UGT2B11: variants seen among roughly 807,000 people sequenced by gnomAD.
The protein encoded by UGT2B11 is UDP-glucuronosyltransferase 2B11.
In UGT2B11, 49 loss-of-function variants were observed where a neutral mutation model predicts 51.7. The ratio of observed to expected loss-of-function variants is 0.95; its 90% CI spans 0.75 to 1.20. The LOEUF (loss-of-function observed/expected upper bound fraction) is 1.20. UGT2B11 is among the 50% of genes most tolerant of loss of function. The probability of loss-of-function intolerance (pLI) is 0.00; values close to 1 mark genes in which losing one functional copy is unlikely to be tolerated. For missense variants in UGT2B11, 810 were observed against 622.1 expected (o/e 1.30, Z -3.21); for synonymous variants, 273 against 209.0 (o/e 1.31, Z -2.64).
At chr4:69,205,449 T>C (rs1404375367) in intron 4 of UGT2B11, 31 bp downstream of exon 4, 2 of 1,599,770 alleles carry the variant, frequency 1.3e-6, no homozygotes, top group Non-Finnish European at 1.7e-6. Context: ...CAGTTACTAA[T>C]ATATCCAGTA....
upstream of UGT2B11, among the ~76,000 whole-genome samples, chr4:69,217,870 A>G (rs1722313336): frequency 6.6e-6 from 1 of 152,112 alleles, no homozygotes; most frequent in Non-Finnish European, 1.5e-5. Context: ...GGTATTGGGC[A>G]TTCCTCCAAG....
At chr4:69,203,663 GTATTA>G (rs1232688123) in intron 5 of UGT2B11, among the ~76,000 whole-genome samples, 1 of 151,540 alleles carries the variant, frequency 6.6e-6, no homozygotes, top group Non-Finnish European at 1.5e-5. Context: ...AGGAAATGAA[GTATTA>G]TAACACACAA....
At position 69,214,508 on chromosome 4, in the gene UGT2B11, A is replaced by G. The variant is rs777035076; in HGVS notation, c.215T>C (p.Leu72Pro). Residue 72 changes from leucine (L) to proline (P), a missense_variant, in exon 1 of 6, where the codon CTT (leucine) becomes CCT (proline). Transcript: ENST00000446444. ...AGATGTAGGATAAACTTCAAATTTA[A>G]GAGTGGATGCATCATTGGGATCAAA... is the stretch of plus-strand genomic sequence containing the variant. The part of the protein sequence containing the change: ...ILFDPNDAST[L>P]KFEVYPTSLT... The G allele has an allele frequency of 4.3e-5, 69 of 1,613,032 alleles. No individual in the cohort carries two copies. Among genetic ancestry groups the G allele is most frequent in the Non-Finnish European group, 3.5e-5 (41 of 1,179,456 alleles).
rs751649625 is a variant in UGT2B11, at chr4:69,214,659, T to A, written c.64A>T (p.Ser22Cys). Residue 22 changes from serine (S) to cysteine (C), a missense_variant, in exon 1 of 6, where the codon AGT becomes TGT. Transcript: ENST00000446444. ...GCCCACACCAGCACTTTTCCACAACTCCCAGAGCTAAAGTAACAACTGAGA... is the reference window on the plus strand; with the variant it reads ...GCCCACACCAGCACTTTTCCACAACACCCAGAGCTAAAGTAACAACTGAGA... Reference protein sequence around the residue: ...IHLSCYFSSGSCGKVLVWAAE... With the variant: ...IHLSCYFSSGCCGKVLVWAAE... 1.1e-5 allele frequency: 17 copies of A among 1,612,850 alleles called. No homozygotes were observed. In the African/African-American group the frequency reaches 1.1e-4, roughly 10 times the overall value.
intron 3 of UGT2B11, among the ~76,000 whole-genome samples, chr4:69,206,337 G>C (rs1373099856): frequency 6.6e-6 from 1 of 151,712 alleles, no homozygotes; most frequent in Non-Finnish European, 1.5e-5. Context: ...TAAGGATGGA[G>C]CTGGAGGCCG....
intron 2 of UGT2B11, among the ~76,000 whole-genome samples, chr4:69,209,925 A>G (rs1368079174): frequency 1.3e-5 from 2 of 151,672 alleles, no homozygotes; most frequent in Admixed American, 6.6e-5. Context: ...GTATAAAAGT[A>G]TGAAAAGTTT....
rs1004834981 is a variant in UGT2B11 at position 69,208,593 on chromosome 4, T to A, written c.871-111A>T. On this transcript the variant is annotated intron_variant, in intron 2 of 5. Coordinates refer to ENST00000446444, the MANE Select transcript of UGT2B11 (RefSeq NM_001073.3). ...AAAATCAAGTATTTTGAGGAATTAT[T>A]GGAATTAATAATATTTTTTAACTGA... 1.5e-5 allele frequency: 23 copies of A among 1,518,830 alleles called. No homozygotes were observed. In the African/African-American group the frequency reaches 3.2e-4, roughly 21 times the overall value. The allele number at this position is 1,518,830 out of a possible 1,614,324, so 94.1% of individuals were successfully genotyped here.
intron 2 of UGT2B11, among the ~76,000 whole-genome samples, chr4:69,210,801 T>A (rs4283741): frequency 6.6e-6 from 1 of 151,440 alleles, no homozygotes; most frequent in African/African-American, 2.4e-5. Context: ...GGAATAAAAT[T>A]TCAGTTTTAT....
rs759583128 is a variant in UGT2B11 at position 69,212,663 on chromosome 4, G to T, written c.780C>A (p.Asn260Lys). The T allele has an allele frequency of 6.2e-7, 1 of 1,610,412 alleles. No homozygotes were observed. The highest frequency in any genetic ancestry group is 2.2e-5 in the East Asian group (1 of 44,748). The change falls in exon 2 of 6, where the codon AAC becomes AAA. Residue 260 changes from asparagine to lysine, a missense_variant. Physicochemically the swap from Asn to Lys is moderately conservative, Grantham distance 94. Coordinates refer to ENST00000446444, the MANE Select transcript of UGT2B11 (RefSeq NM_001073.3). ...GATGAGGAAATTGAAAACTCCAGGA[G>T]TTTCGCATAAGCCATATGTCAGCTT... ...MGKADIWLMR[N>K]SWSFQFPHPF...
Position 69,204,473 on chromosome 4 carries a change from T to C in UGT2B11, c.1267A>G (p.Thr423Ala), listed in dbSNP as rs746282175. ...GTCTTCAGTGCATTCAGCAGGTCTG[T>C]ACTCGACATTGTGTTGAAGTCCAAT... is the stretch of plus-strand genomic sequence containing the variant. ...VRLDFNTMSS[T>A]DLLNALKTVI... Residue 423 changes from threonine (T) to alanine (A), a missense_variant, in exon 5 of 6, where the codon ACA becomes GCA. Coordinates refer to ENST00000446444, the MANE Select transcript of UGT2B11 (RefSeq NM_001073.3). 8.1e-6 allele frequency: 13 copies of C among 1,612,174 alleles called. No individual in the cohort carries two copies. Among genetic ancestry groups the C allele is most frequent in the African/African-American group, 4.0e-5 (3 of 74,868 alleles).
chr4:69,218,565 C>T (rs1378221011), upstream of UGT2B11, among the ~76,000 whole-genome samples: 1 of 151,750 alleles, frequency 6.6e-6, no homozygotes, highest in Non-Finnish European at 1.5e-5. Context: ...GGACTAATAA[C>T]CATCAAATTA....
chr4:69,218,049 C>T (rs1374606802), upstream of UGT2B11, among the ~76,000 whole-genome samples: 1 of 152,136 alleles, frequency 6.6e-6, no homozygotes, highest in Non-Finnish European at 1.5e-5. Context: ...AGAATTTTAA[C>T]ATATTAATCT....
chr4:69,208,607 T>A (rs1721947216), intron 2 of UGT2B11, 125 bp from the exon 3 acceptor site: 3 of 1,482,306 alleles, frequency 2.0e-6, no homozygotes, highest in Non-Finnish European at 2.7e-6. Flanking sequence ...ATTAATAATA[T>A]TTTTTAACTG....
rs769833417 is a variant in UGT2B11 at position 69,212,731 on chromosome 4, A to G, written c.722-10T>C. The G allele has an allele frequency of 1.0e-5, 16 of 1,594,494 alleles. No individual in the cohort carries two copies. In the East Asian group the frequency reaches 2.9e-4, roughly 29 times the overall value. On this transcript the variant is annotated splice_polypyrimidine_tract_variant and intron_variant, in intron 1 of 5. Coordinates refer to ENST00000446444, the MANE Select transcript of UGT2B11 (RefSeq NM_001073.3). ...AAGGTAGTGGGTCTTCCTGACAGGA[A>G]TAAAGAAAAGAAAAAGTGGATGATG...
chr4:69,222,755 C>T, the UGT2B11 span, among the ~76,000 whole-genome samples: 1 of 152,168 alleles, frequency 6.6e-6, no homozygotes. Flanking sequence ...CTAAATTTGC[C>T]TTTATCTGTT....
upstream of UGT2B11, chr4:69,215,270 T>G (rs1202207819): frequency 6.6e-6 from 1 of 152,236 alleles, no homozygotes; most frequent in East Asian, 1.9e-4. Flanking sequence ...TTAGTTCTCA[T>G]CTCCCCACCA....
Position 69,214,619 on chromosome 4 carries a change from T to A in UGT2B11, c.104A>T (p.His35Leu). 4 of 1,613,260 alleles carry A rather than the reference T, an allele frequency of 2.5e-6. No individual in the cohort carries two copies. Among genetic ancestry groups the A allele is most frequent in the Non-Finnish European group, 3.4e-6 (4 of 1,179,412 alleles). ...CAGGATTGTCTTCATATTCATCCAA[T>A]GGCTGTATTCTGCGGCCCACACCAG... The part of the protein sequence containing the change: ...KVLVWAAEYS[H>L]WMNMKTILKE... Residue 35 changes from histidine (H) to leucine (L), a missense_variant, in exon 1 of 6, where the codon CAT becomes CTT. Coordinates refer to ENST00000446444, the MANE Select transcript of UGT2B11 (RefSeq NM_001073.3).
At chr4:69,219,753 G>C in the UGT2B11 span, among the ~76,000 whole-genome samples, 2 of 152,202 alleles carry the variant, frequency 1.3e-5, no homozygotes, top group Admixed American at 6.5e-5. Context: ...GGAAAAATGC[G>C]CTACAATGAT....
chr4:69,200,671 T>C lies in UGT2B11; in HGVS notation c.1359A>G (p.Pro453=). The C allele has an allele frequency of 3.1e-6, 5 of 1,612,102 alleles. No homozygotes were observed. The highest frequency in any genetic ancestry group is 1.1e-5 in the South Asian group (1 of 90,956). Residue 453 remains proline, a synonymous_variant, in exon 6 of 6, where the codon CCA becomes CCG. Transcript: ENST00000446444. The stretch of plus-strand genomic sequence containing the variant: ...AGACTGCTCGATCCAGGGGCTTTAC[T>C]GGTTGATCATGTTGAATTCTTGATA... ...MKLSRIQHDQ[P]VKPLDRAVFW...
Sources: gnomAD v4.1 joint callset for allele counts (sites outside exome capture counted in the v4.1 genomes callset) on GRCh38, gnomAD v4.1.1 for gene constraint, MANE v1.5 for transcripts, NCBI Gene and HGNC (gene_info 2026-07-23, HGNC 2026-07-21) for gene names.